TNS3: variants seen among roughly 807,000 people sequenced by gnomAD.
The protein encoded by TNS3 is tensin-3.
TNS3 carries 45 observed loss-of-function variants against 140.9 expected under a neutral mutation model. That is an observed-to-expected ratio of 0.32 (90% CI 0.25 to 0.41). TNS3 has a LOEUF of 0.41. Among genes scored for constraint, TNS3 ranks in the 10% least tolerant of loss-of-function variants. TNS3 has a pLI of 1.00. For synonymous variants in TNS3, 815 were observed against 788.4 expected, an observed-to-expected ratio of 1.03 and a Z score of -0.56; for missense variants, 1,716 against 1,906.7, an observed-to-expected ratio of 0.90 and a Z score of 1.86.
At chr7:47,356,538 A>G (rs1237741567) in intron 17 of TNS3, among the ~76,000 whole-genome samples, 2 of 152,200 alleles carry the variant, frequency 1.3e-5, no homozygotes, top group Non-Finnish European at 2.9e-5. Flanking sequence ...TCCAACATGC[A>G]AGACAAAGTG....
chr7:47,470,778 G>T, intron 4 of TNS3: 1 of 343,896 alleles, frequency 2.9e-6, no homozygotes, highest in Non-Finnish European at 4.1e-6. Flanking sequence ...GATGTAAGCT[G>T]ACACCAGGGT....
chr7:47,512,404 G>A (rs1798642550), intron 2 of TNS3, among the ~76,000 whole-genome samples: 1 of 152,230 alleles, frequency 6.6e-6, no homozygotes, highest in African/African-American at 2.4e-5. Context: ...GAGTAGAACA[G>A]GGTGATAGCC....
chr7:47,389,111 GAA>G (rs1562675694), intron 16 of TNS3, among the ~76,000 whole-genome samples: 32,721 of 56,900 alleles, frequency 0.58, 12,147 homozygotes, highest in South Asian at 0.7. Context: ...AGCGGAAGCA[GAA>G]GAAGAAGAAG....
At chr7:47,506,796 A>C in intron 3 of TNS3, 111 bp downstream of exon 3, 2 of 812,314 alleles carry the variant, frequency 2.5e-6, no homozygotes, top group Non-Finnish European at 3.5e-6. Context: ...TGGCTTTCCT[A>C]AAGAGTTTTC....
Position 47,556,046 on chromosome 7 carries a change from C to T in TNS3, c.-265+26005G>A, listed in dbSNP as rs181400581. ...GTGTGTGTTCATGTGGACACACATA[C>T]ACTTGTGTACATATACATTTAGGAA... On this transcript the variant is annotated intron_variant, in intron 1 of 30. Transcript: ENST00000311160. Among the ~76,000 whole-genome samples, 344 of 152,308 alleles carry T rather than the reference C, an allele frequency of 2.3e-3. 3 individuals are homozygous for T. The highest frequency in any genetic ancestry group is 8.0e-3 in the African/African-American group (331 of 41,570).
At chr7:47,523,546 C>T (rs971230345) in intron 2 of TNS3, among the ~76,000 whole-genome samples, 19 of 152,224 alleles carry the variant, frequency 1.2e-4, no homozygotes, top group African/African-American at 3.6e-4. Flanking sequence ...CTGCCTCCAA[C>T]GGTGCCCATG....
Position 47,293,663 on chromosome 7 carries a change from G to C in TNS3, c.3772+70C>G, listed in dbSNP as rs1160051885. On this transcript the variant is annotated intron_variant, in intron 25 of 30. Transcript: ENST00000311160. ...ATAAGAGTGATAGTCCCAAATCTCA[G>C]GTTGGTGAGCAGAGGGAATCCAGGC... 4 of 1,372,278 alleles carry C rather than the reference G, an allele frequency of 2.9e-6. No individual in the cohort carries two copies. In the African/African-American group the frequency reaches 5.7e-5, roughly 20 times the overall value. 85.0% of individuals were successfully genotyped at this position (1,372,278 alleles called of 1,614,324 possible).
intron 1 of TNS3, among the ~76,000 whole-genome samples, chr7:47,563,865 G>A (rs1436493361): frequency 1.3e-5 from 2 of 152,176 alleles, no homozygotes; most frequent in African/African-American, 4.8e-5. Flanking sequence ...TCAAACTTCA[G>A]TCTAGATGTT....
intron 2 of TNS3, among the ~76,000 whole-genome samples, chr7:47,511,786 G>A (rs576560198): frequency 5.9e-5 from 9 of 152,258 alleles, no homozygotes; most frequent in East Asian, 5.8e-4. Flanking sequence ...CTCTGAGCAC[G>A]GAGCTGGACC....
intron 4 of TNS3, among the ~76,000 whole-genome samples, chr7:47,447,957 G>C (rs752227953): frequency 7.9e-5 from 12 of 152,240 alleles, no homozygotes; most frequent in Non-Finnish European, 1.6e-4. Flanking sequence ...TCTGGGAGCA[G>C]AACAAGGGAA....
intron 3 of TNS3, among the ~76,000 whole-genome samples, chr7:47,494,979 G>T (rs1325882641): frequency 6.6e-6 from 1 of 151,982 alleles, no homozygotes; most frequent in African/African-American, 2.4e-5. Flanking sequence ...GAAGAAATGG[G>T]GGCTTCACTA....
chr7:47,563,739 C>A (rs1405654583), intron 1 of TNS3, among the ~76,000 whole-genome samples: 2 of 152,222 alleles, frequency 1.3e-5, no homozygotes, highest in Non-Finnish European at 2.9e-5. Flanking sequence ...CACTTGCCAA[C>A]CAGCATAAAT....
chr7:47,514,075 G>A (rs1798699207), intron 2 of TNS3, among the ~76,000 whole-genome samples: 1 of 152,206 alleles, frequency 6.6e-6, no homozygotes, highest in South Asian at 2.1e-4. Context: ...GAAACATATT[G>A]ACCAAGTTAT....
intron 15 of TNS3, 111 bp from the exon 16 acceptor site, chr7:47,397,015 C>T (rs1208925228): frequency 8.3e-6 from 6 of 725,392 alleles, no homozygotes; most frequent in Non-Finnish European, 1.2e-5. Context: ...GAGAGAGAAG[C>T]CTCTCCATCC....
chr7:47,434,551 C>T (rs1426244330), intron 8 of TNS3, among the ~76,000 whole-genome samples: 1 of 152,188 alleles, frequency 6.6e-6, no homozygotes, highest in Non-Finnish European at 1.5e-5. Flanking sequence ...ACTTACCCCT[C>T]AGTGAGTTTG....
intron 17 of TNS3, among the ~76,000 whole-genome samples, chr7:47,348,027 G>C (rs144015308): frequency 1.3e-5 from 2 of 152,176 alleles, no homozygotes; most frequent in Non-Finnish European, 2.9e-5. Context: ...TCCACAGGAC[G>C]CAAGTGCTGC....
intron 17 of TNS3, among the ~76,000 whole-genome samples, chr7:47,346,824 A>G (rs2462645): frequency 0.48 from 72,365 of 152,038 alleles, 18,647 homozygotes; most frequent in Non-Finnish European, 0.59. Flanking sequence ...GATAATTTGA[A>G]TCTTAGCAAT....
At chr7:47,297,362 G>T in intron 23 of TNS3, 149 bp from the exon 24 acceptor site, 3 of 933,466 alleles carry the variant, frequency 3.2e-6, no homozygotes, top group Non-Finnish European at 4.7e-6. Context: ...TTGGCTGGAA[G>T]AACTACATGT....
chr7:47,453,267 G>C, intron 4 of TNS3: 1 of 985,242 alleles, frequency 1.0e-6, no homozygotes, highest in Non-Finnish European at 1.2e-6. Context: ...TGAGGGACAG[G>C]AACAAGAACA....
Sources: allele counts gnomAD v4.1 joint callset (sites outside exome capture counted in the v4.1 genomes callset), GRCh38; gene constraint gnomAD v4.1.1; transcripts MANE v1.5; gene names NCBI Gene and HGNC (gene_info 2026-07-23, HGNC 2026-07-21).